AK6: variants seen among roughly 807,000 people sequenced by gnomAD.
The protein encoded by AK6 is adenylate kinase isoenzyme 6.
In AK6, 24 loss-of-function variants were observed where a neutral mutation model predicts 23.7. That is an observed-to-expected ratio of 1.01 (90% CI 0.73 to 1.43). AK6 has a LOEUF of 1.43. Among genes scored for constraint, AK6 ranks in the 40% most tolerant of loss-of-function variants. AK6 has a pLI of 0.00. For synonymous variants in AK6, 73 were observed against 69.8 expected (o/e 1.05, Z -0.23); for missense variants, 191 against 199.1 (o/e 0.96, Z 0.24).
rs1159705804 is a variant in AK6, at chr5:69,351,740, GTTTTA to G, written c.*316_*320del. The G allele has an allele frequency of 7.3e-5, 15 of 205,810 alleles. No homozygotes were observed. Among genetic ancestry groups the G allele is most frequent in the African/African-American group, 9.2e-5 (4 of 43,552 alleles). 12.7% of individuals were successfully genotyped at this position (205,810 alleles called of 1,614,324 possible). On this transcript the variant is annotated 3_prime_UTR_variant, in exon 5 of 5. Transcript: ENST00000380822. Reference sequence around the variant, plus strand: ...GGAATACTCTGTTGCTTTATCTTTAGTTTTATTTTAAGAGATCATCTGCATTTTTT... The same window carrying G: ...GGAATACTCTGTTGCTTTATCTTTAGTTTTAAGAGATCATCTGCATTTTTT...
chr5:69,366,847 C>T (rs1009376007), intron 1 of AK6: 5 of 428,328 alleles, frequency 1.2e-5, no homozygotes, highest in African/African-American at 2.0e-5. Context: ...CAACCTCCAC[C>T]TCCCAGGTTC....
intron 2 of AK6, among the ~76,000 whole-genome samples, chr5:69,360,683 G>T (rs1762208427): frequency 6.6e-6 from 1 of 152,198 alleles, no homozygotes; most frequent in Non-Finnish European, 1.5e-5. Context: ...CAGTGTCAGA[G>T]AGGTCAATAG....
At chr5:69,355,612 A>G (rs770764394) in intron 4 of AK6, 37 bp downstream of exon 4, 2 of 1,548,604 alleles carry the variant, frequency 1.3e-6, no homozygotes, top group East Asian at 2.3e-5. Flanking sequence ...AAAAGTTAAC[A>G]TTATGCTTTA....
intron 2 of AK6, among the ~76,000 whole-genome samples, chr5:69,361,566 G>A (rs1384544103): frequency 6.6e-6 from 1 of 151,486 alleles, no homozygotes; most frequent in African/African-American, 2.4e-5. Flanking sequence ...AGCCTCCTGA[G>A]TAGCTGGGAT....
In AK6 at chr5:69,368,169, A is replaced by T. The variant is rs572431869; in HGVS notation, c.28+1294T>A. Among the ~76,000 whole-genome samples, 54 of 152,280 alleles carry T rather than the reference A, an allele frequency of 3.5e-4. No individual in the cohort carries two copies. In the Middle Eastern group the frequency reaches 0.01, roughly 29 times the overall value. ...TTTGCATGTAAATGTACATATATGT[A>T]CATACTCTTTGTTATATAAATACAA... On this transcript the variant is annotated intron_variant, in intron 1 of 4. Coordinates refer to ENST00000380822, the MANE Select transcript of AK6 (RefSeq NM_016283.5).
At chr5:69,356,508 A>AG (rs1308061996) in intron 2 of AK6, among the ~76,000 whole-genome samples, 2 of 151,296 alleles carry the variant, frequency 1.3e-5, no homozygotes, top group Non-Finnish European at 2.9e-5. Flanking sequence ...AAAATTAGGC[A>AG]GGCATGGTGG....
intron 4 of AK6, among the ~76,000 whole-genome samples, chr5:69,354,389 T>C (rs898227365): frequency 6.6e-6 from 1 of 152,204 alleles, no homozygotes; most frequent in Non-Finnish European, 1.5e-5. Context: ...CATACTATTC[T>C]GTGCAAGGAT....
chr5:69,369,535 T>C (rs755470324), upstream of AK6: 5 of 1,610,982 alleles, frequency 3.1e-6, no homozygotes, highest in Non-Finnish European at 4.2e-6. Context: ...ACGTGCCCTT[T>C]GCTCTACAGG....
chr5:69,366,557 G>A lies in AK6; in HGVS notation c.67C>T (p.Leu23Phe), dbSNP rs1762434564. The A allele has an allele frequency of 6.2e-7, 1 of 1,613,914 alleles. No individual in the cohort carries two copies. The highest frequency in any genetic ancestry group is 1.7e-5 in the Admixed American group (1 of 59,994). Residue 23 changes from leucine to phenylalanine, a missense_variant, in exon 2 of 5, where the codon CTT becomes TTT. By Grantham distance (22) the Leu-to-Phe change is conservative. Coordinates refer to ENST00000380822, the MANE Select transcript of AK6 (RefSeq NM_016283.5). Reference sequence around the variant, plus strand: ...TATTTCAGTCCTGATTTTGACGCAAGTTCTTTGCCTAGTGTGGTTTTTCCA... The same window carrying A: ...TATTTCAGTCCTGATTTTGACGCAAATTCTTTGCCTAGTGTGGTTTTTCCA... The part of the protein sequence containing the change: ...GVGKTTLGKE[L>F]ASKSGLKYIN...
At chr5:69,358,674 T>C (rs181521161) in intron 2 of AK6, among the ~76,000 whole-genome samples, 160 of 152,154 alleles carry the variant, frequency 1.1e-3, no homozygotes, top group African/African-American at 3.7e-3. Flanking sequence ...TAAGTGATGA[T>C]TGTAGCCTGT....
At chr5:69,367,503 TC>T (rs1762497528) in intron 1 of AK6, among the ~76,000 whole-genome samples, 1 of 53,942 alleles carries the variant, frequency 1.9e-5, no homozygotes, top group African/African-American at 4.6e-5. Flanking sequence ...AGACTCCATC[TC>T]AAAAAAAAAA....
At position 69,355,751 on chromosome 5, in the gene AK6, A is replaced by G. The variant is rs748783127; in HGVS notation, c.224T>C (p.Ile75Thr). The G allele has an allele frequency of 1.9e-6, 3 of 1,613,564 alleles. No homozygotes were observed. In the South Asian group the frequency reaches 3.3e-5, roughly 18 times the overall value. ...GAAATCACAACCATGGTAATCAACA[A>G]TAACTCCACCTTCTCTCATTTGGTT... is the stretch of plus-strand genomic sequence containing the variant. ...LDNQMREGGV[I>T]VDYHGCDFFP... Residue 75 changes from isoleucine to threonine, a missense_variant, in exon 4 of 5, where the codon ATT (isoleucine) becomes ACT (threonine). Physicochemically the swap from Ile to Thr is moderately conservative, Grantham distance 89 (BLOSUM62 -1). Coordinates refer to ENST00000380822, the MANE Select transcript of AK6 (RefSeq NM_016283.5).
Position 69,351,969 on chromosome 5 carries a change from AT to A in AK6, c.*91del. On this transcript the variant is annotated 3_prime_UTR_variant, in exon 5 of 5. Transcript: ENST00000380822. The stretch of plus-strand genomic sequence containing the variant: ...ATCCACCTGCTGGTTCTGCAACATG[AT>A]TTTAATAAAGTGTTACTGACACTTG... The A allele has an allele frequency of 8.8e-7, 1 of 1,134,918 alleles. No homozygotes were observed. The highest frequency in any genetic ancestry group is 2.5e-5 in the Admixed American group (1 of 39,448). 70.3% of individuals were successfully genotyped at this position (1,134,918 alleles called of 1,614,324 possible).
chr5:69,369,496 C>T lies in AK6; in HGVS notation c.-6G>A, dbSNP rs1205077897. 4 of 1,611,520 alleles carry T rather than the reference C, an allele frequency of 2.5e-6. No homozygotes were observed. The highest frequency in any genetic ancestry group is 2.2e-5 in the East Asian group (1 of 44,822). On this transcript the variant is annotated 5_prime_UTR_variant, in exon 1 of 5. Coordinates refer to ENST00000380822, the MANE Select transcript of AK6 (RefSeq NM_016283.5). ...AGGATGTTCGGAAGCAACATGGTCC[C>T]CGCCGCGACGGCTTCGGGCGCCTCG...
intron 1 of AK6, 119 bp downstream of exon 1, chr5:69,369,344 G>C: frequency 9.0e-7 from 1 of 1,110,320 alleles, no homozygotes; most frequent in Non-Finnish European, 1.2e-6. Flanking sequence ...ACCGCCTCGT[G>C]GCCCTCGGCC....
Position 69,369,509 on chromosome 5 carries a change from T to G in AK6, c.-19A>C. ...GCAACATGGTCCCCGCCGCGACGGC[T>G]TCGGGCGCCTCGCTCACGTGCCCTT... is the stretch of plus-strand genomic sequence containing the variant. On this transcript the variant is annotated 5_prime_UTR_variant, in exon 1 of 5. Coordinates refer to ENST00000380822, the MANE Select transcript of AK6 (RefSeq NM_016283.5). The G allele has an allele frequency of 6.2e-7, 1 of 1,611,180 alleles. No homozygotes were observed. The highest frequency in any genetic ancestry group is 1.7e-4 in the Middle Eastern group (1 of 5,734).
At chr5:69,367,263 C>T (rs981177726) in intron 1 of AK6, among the ~76,000 whole-genome samples, 15 of 151,464 alleles carry the variant, frequency 9.9e-5, no homozygotes, top group African/African-American at 2.9e-4. Flanking sequence ...CTGTAATCAC[C>T]GCACTTTGGG....
intron 4 of AK6, among the ~76,000 whole-genome samples, chr5:69,353,450 A>G (rs557074705): frequency 6.6e-6 from 1 of 152,212 alleles, no homozygotes; most frequent in Non-Finnish European, 1.5e-5. Context: ...GGTGCAAGCC[A>G]CCACGCCCAG....
chr5:69,364,600 A>G, intron 2 of AK6: 1 of 353,912 alleles, frequency 2.8e-6, no homozygotes, highest in Non-Finnish European at 5.2e-6. Flanking sequence ...TGATCTATGT[A>G]TCTGAAGACG....
Sources: allele counts gnomAD v4.1 joint callset (sites outside exome capture counted in the v4.1 genomes callset), GRCh38; gene constraint gnomAD v4.1.1; transcripts MANE v1.5; gene names NCBI Gene and HGNC (gene_info 2026-07-23, HGNC 2026-07-21).